CHL1: variants seen among roughly 807,000 people sequenced by gnomAD.
CHL1 encodes the protein neural cell adhesion molecule L1-like protein.
Under a neutral mutation model 141.9 loss-of-function variants are expected in CHL1, and 96 were observed. The ratio of observed to expected loss-of-function variants is 0.68; its 90% CI spans 0.57 to 0.80. The LOEUF is 0.80. Among genes scored for constraint, CHL1 ranks in the 30% least tolerant of loss-of-function variants. CHL1 has a pLI of 0.00. For missense variants in CHL1, 1,820 were observed against 1,457.2 expected (o/e 1.25, Z -4.05); for synonymous variants, 613 against 502.2 (o/e 1.22, Z -2.95).
chr3:291,137 T>C (rs994120927), intron 2 of CHL1, among the ~76,000 whole-genome samples: 1 of 152,030 alleles, frequency 6.6e-6, no homozygotes, highest in African/African-American at 2.4e-5. Context: ...TATTTCATTA[T>C]GAGTAGTGAA....
chr3:298,473 T>A (rs1698412373), intron 2 of CHL1, among the ~76,000 whole-genome samples: 1 of 152,220 alleles, frequency 6.6e-6, no homozygotes, highest in South Asian at 2.1e-4. Context: ...TAGGAGTATT[T>A]AGGTAATTAA....
rs1457431017 is a variant in CHL1, at chr3:393,768, C to CA, written c.2915-919dup. On this transcript the variant is annotated intron_variant, in intron 23 of 27. Coordinates refer to ENST00000256509, the MANE Select transcript of CHL1 (RefSeq NM_006614.4). ...TTGTGGTCATTCACAATTATGTGTTCAAAAAATCTAAAAAAGTGATGATTT... is the reference window on the plus strand; with the variant it reads ...TTGTGGTCATTCACAATTATGTGTTCAAAAAAATCTAAAAAAGTGATGATTT... 1.1e-4 allele frequency among the ~76,000 whole-genome samples: 17 copies of CA among 152,106 alleles called. 1 individual carries two copies. Among genetic ancestry groups the CA allele is most frequent in the Admixed American group, 1.0e-3 (16 of 15,282 alleles).
At chr3:405,419 C>T in intron 27 of CHL1, 76 bp from the exon 28 acceptor site, 1 of 949,632 alleles carries the variant, frequency 1.1e-6, no homozygotes, top group Non-Finnish European at 1.6e-6. Flanking sequence ...AATCTTTTAT[C>T]ACTTATGACT....
chr3:235,888 T>TC (rs1691924850), intron 1 of CHL1, among the ~76,000 whole-genome samples: 1 of 152,186 alleles, frequency 6.6e-6, no homozygotes, highest in African/African-American at 2.4e-5. Flanking sequence ...GCCGTCATAC[T>TC]CCAAGGTGGG....
chr3:290,913 G>A (rs557546348), intron 2 of CHL1, among the ~76,000 whole-genome samples: 2 of 148,216 alleles, frequency 1.3e-5, no homozygotes, highest in African/African-American at 2.5e-5. Context: ...TCCAGCTTGG[G>A]CAATAGAATG....
chr3:402,744 A>G (rs1709242135), intron 27 of CHL1, among the ~76,000 whole-genome samples: 1 of 152,084 alleles, frequency 6.6e-6, no homozygotes, highest in Admixed American at 6.6e-5. Context: ...TTATATTTTT[A>G]TATTTCTTAA....
intron 2 of CHL1, among the ~76,000 whole-genome samples, chr3:277,910 A>G (rs556995494): frequency 6.6e-6 from 1 of 152,218 alleles, no homozygotes; most frequent in Admixed American, 6.5e-5. Context: ...TTACAGCTAC[A>G]TTTCACAGAT....
At chr3:350,652 T>C (rs368997716) in intron 10 of CHL1, among the ~76,000 whole-genome samples, 8 of 151,112 alleles carry the variant, frequency 5.3e-5, no homozygotes, top group African/African-American at 1.7e-4. Flanking sequence ...CCCAAGTAAA[T>C]GTTAACACAG....
chr3:294,238 G>C (rs1382322966), intron 2 of CHL1, among the ~76,000 whole-genome samples: 1 of 152,074 alleles, frequency 6.6e-6, no homozygotes, highest in Non-Finnish European at 1.5e-5. Flanking sequence ...AGAATCACTT[G>C]AGCCTGGGAG....
At chr3:354,413 T>C (rs892864838) in intron 10 of CHL1, among the ~76,000 whole-genome samples, 1 of 128,644 alleles carries the variant, frequency 7.8e-6, no homozygotes, top group African/African-American at 2.6e-5. Flanking sequence ...TGATACATGC[T>C]GAGTCCAAAT....
chr3:234,008 T>C (rs1331125239), intron 1 of CHL1, among the ~76,000 whole-genome samples: 2 of 152,006 alleles, frequency 1.3e-5, no homozygotes, highest in East Asian at 1.9e-4. Context: ...ATGCTCATAA[T>C]ATTATGTAGA....
At chr3:324,698 G>A (rs1038316907) in intron 3 of CHL1, among the ~76,000 whole-genome samples, 1 of 151,488 alleles carries the variant, frequency 6.6e-6, no homozygotes, top group African/African-American at 2.4e-5. Flanking sequence ...AAGCGCAGTG[G>A]CTTGATCACA....
chr3:198,816 T>C (rs1004169582), intron 1 of CHL1, among the ~76,000 whole-genome samples: 3 of 152,224 alleles, frequency 2.0e-5, no homozygotes, highest in Non-Finnish European at 4.4e-5. Flanking sequence ...TTAATTAAAA[T>C]ATGAATATTT....
At chr3:211,836 T>G (rs1452124402) in intron 1 of CHL1, among the ~76,000 whole-genome samples, 3 of 152,204 alleles carry the variant, frequency 2.0e-5, no homozygotes, top group Non-Finnish European at 2.9e-5. Context: ...ATACAATGTC[T>G]ATATATTATT....
intron 4 of CHL1, 151 bp downstream of exon 4, chr3:326,215 A>G (rs9843977): frequency 2.4e-5 from 12 of 492,470 alleles, no homozygotes; most frequent in Non-Finnish European, 1.4e-5. Flanking sequence ...CAAACAAAAA[A>G]AAAATTTGGT....
chr3:254,061 C>A (rs567693521), intron 2 of CHL1, among the ~76,000 whole-genome samples: 2 of 152,188 alleles, frequency 1.3e-5, no homozygotes, highest in African/African-American at 2.4e-5. Context: ...TCAGACCGAC[C>A]TTTGAGAACC....
chr3:298,787 G>C (rs1307282427), intron 2 of CHL1, among the ~76,000 whole-genome samples: 2 of 152,220 alleles, frequency 1.3e-5, no homozygotes, highest in East Asian at 3.9e-4. Flanking sequence ...ATACCTTCTT[G>C]GTGATATGGA....
In CHL1 at chr3:382,170, A is replaced by T. The variant is rs533833483; in HGVS notation, c.1877-9A>T. The T allele has an allele frequency of 2.5e-6, 4 of 1,607,722 alleles. No homozygotes were observed. Among genetic ancestry groups the T allele is most frequent in the East Asian group, 4.5e-5 (2 of 44,808 alleles). ...AATTATCTACATTTTCCCTTCCTTT[A>T]TTAATTAGATGTTCCGGATCCACCA... is the stretch of plus-strand genomic sequence containing the variant. On this transcript the variant is annotated splice_polypyrimidine_tract_variant and intron_variant, in intron 16 of 27. Transcript: ENST00000256509.
At chr3:235,322 T>C (rs1227886797) in intron 1 of CHL1, among the ~76,000 whole-genome samples, 2 of 152,094 alleles carry the variant, frequency 1.3e-5, no homozygotes, top group Non-Finnish European at 2.9e-5. Flanking sequence ...CATTAGGCAA[T>C]ATGTAACTTC....
Sources: allele counts gnomAD v4.1 joint callset (sites outside exome capture counted in the v4.1 genomes callset), GRCh38; gene constraint gnomAD v4.1.1; transcripts MANE v1.5; gene names NCBI Gene and HGNC (gene_info 2026-07-23, HGNC 2026-07-21).